ARHGAP35: variants seen among roughly 807,000 people sequenced by gnomAD.
The protein encoded by ARHGAP35 is Rho GTPase activating protein 35, also known as rho GTPase-activating protein 35.
A neutral mutation model predicts 111.1 loss-of-function variants in ARHGAP35; 15 were observed. The observed-to-expected ratio is 0.13, with a 90% CI of 0.09 to 0.21. The LOEUF is 0.21. Ranked by LOEUF, ARHGAP35 falls within the 10% of genes least tolerant of loss-of-function variation. The pLI is 1.00. For synonymous variants in ARHGAP35, 643 were observed against 710.3 expected (o/e 0.91, Z 1.51); for missense variants, 1,262 against 1,873.0 (o/e 0.67, Z 6.02).
At chr19:46,861,334 G>C (rs2055825240) in intron 1 of ARHGAP35, among the ~76,000 whole-genome samples, 125 bp downstream of exon 1, 1 of 150,410 alleles carries the variant, frequency 6.6e-6, no homozygotes, top group Admixed American at 6.6e-5. Context: ...GAGGGGGAGG[G>C]GAGGAGCGGC....
chr19:46,875,574 G>A (rs934353450), intron 1 of ARHGAP35, among the ~76,000 whole-genome samples: 5 of 152,124 alleles, frequency 3.3e-5, no homozygotes, highest in Admixed American at 6.5e-5. Flanking sequence ...CTTAGGACAA[G>A]TCATTTATTC....
Position 46,973,172 on chromosome 19 carries a change from G to A in ARHGAP35, c.3827-14817G>A, listed in dbSNP as rs188830684. Among the ~76,000 whole-genome samples, 30 of 151,876 alleles carry A rather than the reference G, an allele frequency of 2.0e-4. No homozygotes were observed. In the East Asian group the frequency reaches 5.7e-3, roughly 29 times the overall value. ...GAGGTCAGGAATTCAAGACCAGCCT[G>A]GCCAACATGGTGAAACTCTGTCTCT... On this transcript the variant is annotated intron_variant, in intron 3 of 6. Coordinates refer to ENST00000672722, the MANE Select transcript of ARHGAP35 (RefSeq NM_004491.5).
At chr19:46,905,566 C>CCA (rs1555756014) in intron 1 of ARHGAP35, among the ~76,000 whole-genome samples, 13 of 147,996 alleles carry the variant, frequency 8.8e-5, no homozygotes, top group Non-Finnish European at 1.9e-4. Context: ...CCCCCCCCCC[C>CCA]CAAGACAGAG....
Position 47,000,598 on chromosome 19 carries a change from G to GC in ARHGAP35, c.4412dup (p.Ser1472ValfsTer44). 1 of 1,613,150 alleles carries GC rather than the reference G, an allele frequency of 6.2e-7. No individual in the cohort carries two copies. Among genetic ancestry groups the GC allele is most frequent in the Non-Finnish European group, 8.5e-7 (1 of 1,179,740 alleles). On this transcript the variant is annotated frameshift_variant, in exon 7 of 7. Transcript: ENST00000672722. LOFTEE classifies it high-confidence loss of function. This position sits in a 1 kb window ranked among gnomAD's most constrained non-coding sequence, Gnocchi z 6.9. ...TCACTTCCACGCCTGTCACAAGTCA[G>GC]CCGTCGCCCCCACAGTCGCCTCCAC...
intron 1 of ARHGAP35, among the ~76,000 whole-genome samples, chr19:46,911,307 T>TTA (rs2056136663): frequency 6.6e-6 from 1 of 152,244 alleles, no homozygotes; most frequent in South Asian, 2.1e-4. Flanking sequence ...GTCTATACCA[T>TTA]TTATTGTCTT....
At chr19:46,967,818 G>A (rs1239001288) in intron 3 of ARHGAP35, among the ~76,000 whole-genome samples, 1 of 152,154 alleles carries the variant, frequency 6.6e-6, no homozygotes, top group Admixed American at 6.6e-5. Context: ...TTTCCTTGCT[G>A]TTCCACTTCG....
chr19:46,950,180 C>G (rs2056403546), intron 3 of ARHGAP35, among the ~76,000 whole-genome samples: 1 of 152,212 alleles, frequency 6.6e-6, no homozygotes, highest in African/African-American at 2.4e-5. Flanking sequence ...TACCTGGCTT[C>G]TTTCACTTAA....
intron 3 of ARHGAP35, among the ~76,000 whole-genome samples, chr19:46,987,030 G>GT (rs961318088): frequency 2.0e-5 from 3 of 151,712 alleles, no homozygotes; most frequent in African/African-American, 7.3e-5. Context: ...GTTTCTCCAT[G>GT]TTGGTCAGGC....
chr19:46,924,499 C>T (rs1018488014), intron 2 of ARHGAP35, among the ~76,000 whole-genome samples: 2 of 152,240 alleles, frequency 1.3e-5, no homozygotes, highest in Non-Finnish European at 2.9e-5. Context: ...ATGCCATAGG[C>T]ATCCTCCTGT....
chr19:46,963,764 C>A (rs973036100), intron 3 of ARHGAP35, among the ~76,000 whole-genome samples: 2 of 152,208 alleles, frequency 1.3e-5, no homozygotes, highest in Non-Finnish European at 1.5e-5. Flanking sequence ...GTGTCCTCCA[C>A]GTAGTATGCT....
chr19:46,928,927 C>CT (rs201976605), intron 2 of ARHGAP35, among the ~76,000 whole-genome samples: 2,950 of 149,762 alleles, frequency 0.02, 99 homozygotes, highest in African/African-American at 0.067. Context: ...GGGAGACGGT[C>CT]TCAAAAAAAA....
In ARHGAP35 at chr19:46,902,553, G is replaced by A. The variant is rs118021754; in HGVS notation, c.-188-15935G>A. On this transcript the variant is annotated intron_variant, in intron 1 of 6. Transcript: ENST00000672722. ...CTGCTCCCGGCTGCCTTACTGGTAT[G>A]GAATGTGGACATACAGCTTTTGAGC... 8.5e-3 allele frequency among the ~76,000 whole-genome samples: 1,289 copies of A among 152,238 alleles called. 11 individuals are homozygous for A. Among genetic ancestry groups the A allele is most frequent in the Admixed American group, 0.013 (200 of 15,282 alleles).
intron 3 of ARHGAP35, among the ~76,000 whole-genome samples, chr19:46,978,689 G>GTGTGTGTGGTGGGATA (rs1394866135): frequency 2.9e-4 from 41 of 143,804 alleles, no homozygotes; most frequent in African/African-American, 1.0e-3. Flanking sequence ...GTGGTGGGAT[G>GTGTGTGTGGTGGGATA]TGTGTGTGGT....
At chr19:46,923,951 G>A (rs2056223840) in intron 2 of ARHGAP35, among the ~76,000 whole-genome samples, 2 of 150,790 alleles carry the variant, frequency 1.3e-5, no homozygotes, top group Non-Finnish European at 3.0e-5. Flanking sequence ...GAAAAAAAAT[G>A]TGTATATATA....
chr19:46,988,449 G>A lies in ARHGAP35; in HGVS notation c.3904+383G>A. On this transcript the variant is annotated intron_variant, in intron 4 of 6. Transcript: ENST00000672722. This position sits in a 1 kb window ranked among gnomAD's most constrained non-coding sequence, Gnocchi z 5.4. ...TGAGATGTGATCCTGTTTTGCCAGGGCCTCAGATCTACCCTCCTCACAAAG... is the reference window on the plus strand; with the variant it reads ...TGAGATGTGATCCTGTTTTGCCAGGACCTCAGATCTACCCTCCTCACAAAG... 4.5e-6 allele frequency: 1 copy of A among 221,016 alleles called. No homozygotes were observed. Among genetic ancestry groups the A allele is most frequent in the Non-Finnish European group, 9.2e-6 (1 of 108,358 alleles). The allele number at this position is 221,016 out of a possible 1,614,324, so 13.7% of individuals were successfully genotyped here. A position where few individuals can be genotyped will look rare whatever the true frequency, so the allele number is the denominator to read the frequency against.
At chr19:46,905,143 T>C (rs1182912491) in intron 1 of ARHGAP35, among the ~76,000 whole-genome samples, 2 of 152,194 alleles carry the variant, frequency 1.3e-5, no homozygotes, top group African/African-American at 4.8e-5. Flanking sequence ...CTGGCCTAGC[T>C]TGGAAATTAG....
chr19:46,888,837 C>CAAA (rs769595005), intron 1 of ARHGAP35, among the ~76,000 whole-genome samples: 11 of 57,354 alleles, frequency 1.9e-4, no homozygotes, highest in East Asian at 4.5e-4. Context: ...ACTAAAAATA[C>CAAA]AAAAAAAAAA....
chr19:46,959,882 G>C (rs2056467308), intron 3 of ARHGAP35, among the ~76,000 whole-genome samples: 1 of 151,838 alleles, frequency 6.6e-6, no homozygotes, highest in Non-Finnish European at 1.5e-5. Flanking sequence ...AGGATCGCTT[G>C]AGCCTAGGAG....
rs541254221 is a variant in ARHGAP35 at position 46,913,809 on chromosome 19, A to T, written c.-188-4679A>T. Among the ~76,000 whole-genome samples the T allele has an allele frequency of 2.3e-4, 35 of 152,316 alleles. No individual in the cohort carries two copies. In the South Asian group the frequency reaches 7.0e-3, roughly 31 times the overall value. ...GTTTTAACTCTTCCATTTAAAAAGG[A>T]TTAGCACTGGAAAATTATTAGAATG... On this transcript the variant is annotated intron_variant, in intron 1 of 6. Coordinates refer to ENST00000672722, the MANE Select transcript of ARHGAP35 (RefSeq NM_004491.5).
Sources: allele counts gnomAD v4.1 joint callset (sites outside exome capture counted in the v4.1 genomes callset), GRCh38; gene constraint gnomAD v4.1.1; non-coding constraint Gnocchi (gnomAD v3.1); transcripts MANE v1.5; gene names NCBI Gene and HGNC (gene_info 2026-07-23, HGNC 2026-07-21).